The following RARG variants were observed in gnomAD, a reference collection of about 807,000 sequenced individuals.
RARG encodes the protein retinoic acid receptor gamma, also known as RAR-gamma.
In RARG, 17 loss-of-function variants were observed where a neutral mutation model predicts 43.7. The observed-to-expected ratio is 0.39, with a 90% CI of 0.27 to 0.58. The LOEUF is 0.58. Among genes scored for constraint, RARG ranks in the 20% least tolerant of loss-of-function variants. The pLI is 0.57. For missense variants in RARG, 346 were observed against 598.7 expected, an observed-to-expected ratio of 0.58 and a Z score of 4.40; for synonymous variants, 238 against 236.4, an observed-to-expected ratio of 1.01 and a Z score of -0.06.
At chr12:53,214,012 C>A in intron 7 of RARG, 47 bp downstream of exon 7, 1 of 1,566,314 alleles carries the variant, frequency 6.4e-7, no homozygotes, top group South Asian at 1.1e-5. Flanking sequence ...TGTTGAGGGT[C>A]CCATATGTGG....
intron 3 of RARG, among the ~76,000 whole-genome samples, chr12:53,220,815 G>T (rs1244792637): frequency 6.6e-6 from 1 of 152,132 alleles, no homozygotes; most frequent in Non-Finnish European, 1.5e-5. Flanking sequence ...TCAATACAGG[G>T]GTGTTAAGGA....
In RARG at chr12:53,213,483, G is replaced by A. The variant is rs921800868; in HGVS notation, c.1018+13C>T. ...ACTGAGCACTGAGCAGACGCCAGGG[G>A]GCGCCCCCGCACCTCCGCAGATGAG... On this transcript the variant is annotated intron_variant, in intron 8 of 9. Coordinates refer to ENST00000425354, the MANE Select transcript of RARG (RefSeq NM_000966.6). This position sits in a 1 kb window ranked among gnomAD's most constrained non-coding sequence, Gnocchi z 4.7. The A allele has an allele frequency of 3.7e-6, 6 of 1,612,330 alleles. No individual in the cohort carries two copies. Among genetic ancestry groups the A allele is most frequent in the Non-Finnish European group, 5.1e-6 (6 of 1,179,818 alleles).
intron 2 of RARG, chr12:53,230,069 G>C (rs1188682590): frequency 2.2e-5 from 18 of 817,636 alleles, no homozygotes; most frequent in Non-Finnish European, 2.4e-5. Flanking sequence ...AAGAGAAGGG[G>C]AGGGTCTTAA....
chr12:53,220,192 A>AGGGGG, intron 3 of RARG: 2 of 1,282,508 alleles, frequency 1.6e-6, no homozygotes, highest in Non-Finnish European at 2.0e-6. Context: ...CCGCTCCAGC[A>AGGGGG]GGGGGGGAGG....
At chr12:53,223,644 TG>T (rs1005231755) in intron 3 of RARG, among the ~76,000 whole-genome samples, 1 of 151,852 alleles carries the variant, frequency 6.6e-6, no homozygotes, top group Non-Finnish European at 1.5e-5. Flanking sequence ...GGCAGTCGAC[TG>T]GGGTTTTTTC....
intron 9 of RARG, 95 bp downstream of exon 9, chr12:53,212,990 A>C: frequency 7.3e-7 from 1 of 1,361,920 alleles, no homozygotes; most frequent in Non-Finnish European, 9.8e-7. Context: ...CCTGGTTCTC[A>C]ACTACTCTGT....
In RARG at chr12:53,213,139, T is replaced by C. The variant is rs370081012; in HGVS notation, c.1123A>G (p.Met375Val). 3.1e-6 allele frequency: 5 copies of C among 1,614,136 alleles called. No individual in the cohort carries two copies. Among genetic ancestry groups the C allele is most frequent in the East Asian group, 2.2e-5 (1 of 44,886 alleles). ...ARRRRPSQPYMFPRMLMKITD... is the reference protein window; with the variant it reads ...ARRRRPSQPYVFPRMLMKITD... Reference sequence around the variant, plus strand: ...ATTTTCATTAGCATCCTTGGGAACATGTAGGGCTGGCTGGGCCGCCGGCGC... The same window carrying C: ...ATTTTCATTAGCATCCTTGGGAACACGTAGGGCTGGCTGGGCCGCCGGCGC... Residue 375 changes from methionine to valine, a missense_variant, in exon 9 of 10, where the codon ATG (methionine) becomes GTG (valine). Physicochemically the swap from Met to Val is conservative, Grantham distance 21. Transcript: ENST00000425354. The surrounding 1 kb of genome is among the most constrained non-coding windows in gnomAD (Gnocchi z 4.7).
intron 5 of RARG, chr12:53,214,838 C>T (rs1942713922): frequency 8.0e-6 from 4 of 498,026 alleles, no homozygotes; most frequent in Non-Finnish European, 3.5e-6. Flanking sequence ...CATTCGGCTC[C>T]ATCCTGTCCT....
In RARG at chr12:53,227,380, T is replaced by G. The variant is rs1565730909; in HGVS notation, c.166A>C (p.Lys56Gln). The G allele has an allele frequency of 1.9e-6, 3 of 1,587,306 alleles. No individual in the cohort carries two copies. The highest frequency in any genetic ancestry group is 2.6e-6 in the Non-Finnish European group (3 of 1,168,036). The stretch of plus-strand genomic sequence containing the variant: ...GACTCACACAGAGAGGCCATCTCCT[T>G]GGGGAGGTCAGGCTGGCCCAGGCCC... The part of the protein sequence containing the change: ...FRGLGQPDLP[K>Q]EMASLSVETQ... Residue 56 changes from lysine (K) to glutamine (Q), a missense_variant, in exon 3 of 10, where the codon AAG (lysine) becomes CAG (glutamine). By Grantham distance (53) the Lys-to-Gln change is moderately conservative (BLOSUM62 1). Around this residue, in one of 8 missense-constraint regions of RARG, gnomAD observed 90 missense variants for 93.2 expected, o/e 0.97. Transcript: ENST00000425354. This position sits in a 1 kb window ranked among gnomAD's most constrained non-coding sequence, Gnocchi z 4.3.
chr12:53,221,740 C>A (rs1942969594), intron 3 of RARG, among the ~76,000 whole-genome samples: 1 of 151,532 alleles, frequency 6.6e-6, no homozygotes, highest in Non-Finnish European at 1.5e-5. Context: ...CCCCCTCCCC[C>A]GCGCCCCGCC....
intron 3 of RARG, among the ~76,000 whole-genome samples, chr12:53,226,545 G>A (rs1390944091): frequency 5.3e-5 from 8 of 151,706 alleles, no homozygotes; most frequent in Non-Finnish European, 1.2e-4. Flanking sequence ...GGCTGGTCTC[G>A]AACTCCTGAC....
intron 3 of RARG, among the ~76,000 whole-genome samples, chr12:53,223,218 C>T (rs1943020775): frequency 6.6e-6 from 1 of 152,128 alleles, no homozygotes; most frequent in Non-Finnish European, 1.5e-5. Flanking sequence ...ATTCCTCACG[C>T]TAAATTCTCC....
At chr12:53,216,213 G>T (rs1374314351) in intron 3 of RARG, among the ~76,000 whole-genome samples, 1 of 152,142 alleles carries the variant, frequency 6.6e-6, no homozygotes, top group African/African-American at 2.4e-5. Context: ...GTATATCTTT[G>T]TCAGGTAGTC....
At position 53,213,484 on chromosome 12, in the gene RARG, G is replaced by A; in HGVS notation, c.1018+12C>T. 1.9e-6 allele frequency: 3 copies of A among 1,612,410 alleles called. No homozygotes were observed. The highest frequency in any genetic ancestry group is 2.5e-6 in the Non-Finnish European group (3 of 1,179,826). ...CTGAGCACTGAGCAGACGCCAGGGG[G>A]CGCCCCCGCACCTCCGCAGATGAGG... On this transcript the variant is annotated intron_variant, in intron 8 of 9. Coordinates refer to ENST00000425354, the MANE Select transcript of RARG (RefSeq NM_000966.6). The surrounding 1 kb of genome is among the most constrained non-coding windows in gnomAD (Gnocchi z 4.7).
At chr12:53,219,054 A>G (rs932810286) in intron 3 of RARG, among the ~76,000 whole-genome samples, 6 of 151,910 alleles carry the variant, frequency 3.9e-5, no homozygotes, top group Non-Finnish European at 8.8e-5. Context: ...AAGGGGTTCC[A>G]GGGCCCCAGG....
chr12:53,223,406 GGCCCAAAGCAGGGATGTGAGGCGCGTT>G, intron 3 of RARG, among the ~76,000 whole-genome samples: 1 of 151,486 alleles, frequency 6.6e-6, no homozygotes, highest in Admixed American at 6.6e-5. Flanking sequence ...ATGAGAGTGG[GGCCCAAAGCAGGGATGTGAGGCGCGTT>G]GGGCAGGATG....
Position 53,213,058 on chromosome 12 carries a change from G to C in RARG, c.1177+27C>G. The C allele has an allele frequency of 6.3e-7, 1 of 1,593,072 alleles. No individual in the cohort carries two copies. The highest frequency in any genetic ancestry group is 8.6e-7 in the Non-Finnish European group (1 of 1,167,542). On this transcript the variant is annotated intron_variant, in intron 9 of 9. Coordinates refer to ENST00000425354, the MANE Select transcript of RARG (RefSeq NM_000966.6). The surrounding 1 kb of genome is among the most constrained non-coding windows in gnomAD (Gnocchi z 4.7). ...GGAGACCAACAGCCCTGGGAAGACA[G>C]AGAGGGGACACCCACTCATGACTCA...
chr12:53,213,487 C>A lies in RARG; in HGVS notation c.1018+9G>T, dbSNP rs775274242. 1.2e-5 allele frequency: 19 copies of A among 1,612,364 alleles called. No homozygotes were observed. The Middle Eastern group carries it at 6.6e-4, about 56-fold the overall frequency. ...AGCACTGAGCAGACGCCAGGGGGCGCCCCCGCACCTCCGCAGATGAGGCAG... is the reference window on the plus strand; with the variant it reads ...AGCACTGAGCAGACGCCAGGGGGCGACCCCGCACCTCCGCAGATGAGGCAG... On this transcript the variant is annotated intron_variant, in intron 8 of 9. Coordinates refer to ENST00000425354, the MANE Select transcript of RARG (RefSeq NM_000966.6). The surrounding 1 kb of genome is among the most constrained non-coding windows in gnomAD (Gnocchi z 4.7).
Position 53,213,374 on chromosome 12 carries a change from G to A in RARG, c.1018+122C>T. ...TTCAGAACTCTCTGGATGGGGCCAG[G>A]TGCAAGAATTACCAGCAGAAGAGAC... On this transcript the variant is annotated intron_variant, in intron 8 of 9. Coordinates refer to ENST00000425354, the MANE Select transcript of RARG (RefSeq NM_000966.6). This position sits in a 1 kb window ranked among gnomAD's most constrained non-coding sequence, Gnocchi z 4.7. 6.7e-7 allele frequency: 1 copy of A among 1,482,928 alleles called. No homozygotes were observed. The highest frequency in any genetic ancestry group is 9.3e-7 in the Non-Finnish European group (1 of 1,076,668). 91.9% of individuals were successfully genotyped at this position (1,482,928 alleles called of 1,614,324 possible). A position where few individuals can be genotyped will look rare whatever the true frequency, so the allele number is the denominator to read the frequency against.
Sources: gnomAD v4.1 joint callset for allele counts (sites outside exome capture counted in the v4.1 genomes callset) on GRCh38, gnomAD v4.1.1 for gene constraint, gnomAD v4.1.1 regional missense constraint, Gnocchi (gnomAD v3.1) non-coding constraint, MANE v1.5 for transcripts, NCBI Gene and HGNC (gene_info 2026-07-23, HGNC 2026-07-21) for gene names.